Variants in SH3RF2 observed in about 807,000 individuals in gnomAD.
SH3RF2 encodes the protein SH3 domain containing ring finger 2, also known as E3 ubiquitin-protein ligase SH3RF2.
A neutral mutation model predicts 59.0 loss-of-function variants in SH3RF2; 43 were observed. That is an observed-to-expected ratio of 0.73 (90% CI 0.57 to 0.94). The LOEUF (loss-of-function observed/expected upper bound fraction) is 0.94. Ranked by LOEUF, SH3RF2 falls within the 40% of genes least tolerant of loss-of-function variation. SH3RF2 has a pLI of 0.00. For synonymous variants in SH3RF2, 391 were observed against 391.5 expected (o/e 1.00, Z 0.01); for missense variants, 930 against 940.1 (o/e 0.99, Z 0.14).
intron 2 of SH3RF2, among the ~76,000 whole-genome samples, chr5:145,963,301 C>T (rs903861720): frequency 4.0e-5 from 6 of 151,746 alleles, no homozygotes; most frequent in Middle Eastern, 3.4e-3. Flanking sequence ...AATAACTATA[C>T]ATTTATAGAG....
At chr5:145,995,007 T>TAAAA (rs34904079) in intron 2 of SH3RF2, among the ~76,000 whole-genome samples, 1 of 150,362 alleles carries the variant, frequency 6.7e-6, no homozygotes, top group African/African-American at 2.4e-5. Flanking sequence ...TCATAAATAA[T>TAAAA]AAAAAAAAAG....
intron 4 of SH3RF2, among the ~76,000 whole-genome samples, 179 bp downstream of exon 4, chr5:146,004,332 C>A (rs1329421844): frequency 6.6e-6 from 1 of 152,184 alleles, no homozygotes; most frequent in Non-Finnish European, 1.5e-5. Flanking sequence ...GGGAAATGAG[C>A]CTTTTCTATT....
chr5:146,057,928 G>GTCTCTCTGTCTCTCTCTC (rs1762725787), intron 8 of SH3RF2, among the ~76,000 whole-genome samples: 1 of 133,178 alleles, frequency 7.5e-6, no homozygotes. Context: ...GGCTGTTAGT[G>GTCTCTCTGTCTCTCTCTC]TCTCTCTCTC....
Position 145,938,107 on chromosome 5 carries a change from T to C in SH3RF2, c.179T>C (p.Ile60Thr), listed in dbSNP as rs199768544. The change falls in exon 2 of 10, where the codon ATT becomes ACT. Residue 60 changes from isoleucine (I) to threonine (T), a missense_variant. Coordinates refer to ENST00000359120, the MANE Select transcript of SH3RF2 (RefSeq NM_152550.4). ...TGCAGGACGCCTGTGTTTTCCAACATTGAGGCGCTGCCGGCCAACCTGCTG... is the reference window on the plus strand; with the variant it reads ...TGCAGGACGCCTGTGTTTTCCAACACTGAGGCGCTGCCGGCCAACCTGCTG... ...PECRTPVFSNIEALPANLLLV... is the reference protein window; with the variant it reads ...PECRTPVFSNTEALPANLLLV... 1.0e-4 allele frequency: 163 copies of C among 1,614,094 alleles called. No individual in the cohort carries two copies. The highest frequency in any genetic ancestry group is 1.1e-4 in the Non-Finnish European group (135 of 1,180,044).
intron 2 of SH3RF2, among the ~76,000 whole-genome samples, chr5:145,979,481 C>T (rs1305666792): frequency 2.0e-5 from 3 of 152,196 alleles, no homozygotes; most frequent in Non-Finnish European, 1.5e-5. Context: ...CATGGGGCCT[C>T]AGATAAGTTA....
At chr5:145,937,498 G>C (rs1219423674) in intron 1 of SH3RF2, among the ~76,000 whole-genome samples, 2 of 152,120 alleles carry the variant, frequency 1.3e-5, no homozygotes, top group Non-Finnish European at 2.9e-5. Context: ...AGCTTTCCCC[G>C]GGCAGGGGGT....
chr5:145,938,074 GC>G lies in SH3RF2; in HGVS notation c.150del (p.Glu51AsnfsTer44), dbSNP rs1276037629. The stretch of plus-strand genomic sequence containing the variant: ...TTCAAGGCCCACAAAGAGCTGCGGT[GC>G]CCCGAATGCAGGACGCCTGTGTTTT... ...RVFKAHKELR[C>X]PECRTPVFSN... On this transcript the variant is annotated frameshift_variant, in exon 2 of 10. Transcript: ENST00000359120. LOFTEE classifies it high-confidence loss of function. 1 of 1,614,228 alleles carries G rather than the reference GC, an allele frequency of 6.2e-7. No individual in the cohort carries two copies. The highest frequency in any genetic ancestry group is 1.1e-5 in the South Asian group (1 of 91,084).
chr5:146,055,933 T>C (rs1762647945), intron 7 of SH3RF2, 48 bp from the exon 8 acceptor site: 2 of 1,587,516 alleles, frequency 1.3e-6, no homozygotes, highest in African/African-American at 2.7e-5. Context: ...TGACTGAACA[T>C]TTTCTTTCTC....
intron 7 of SH3RF2, among the ~76,000 whole-genome samples, chr5:146,055,611 A>G (rs945047222): frequency 1.3e-5 from 2 of 152,254 alleles, no homozygotes; most frequent in African/African-American, 4.8e-5. Flanking sequence ...AGAAATTGCC[A>G]CTGTAAAACG....
exon 10 of SH3RF2, chr5:146,079,712 C>G (rs777516294): frequency 6.6e-6 from 1 of 152,130 alleles, no homozygotes; most frequent in Non-Finnish European, 1.5e-5. Flanking sequence ...TCTTTTAATG[C>G]GATGAATAAT....
intron 5 of SH3RF2, among the ~76,000 whole-genome samples, 195 bp downstream of exon 5, chr5:146,014,256 T>A (rs1580861308): frequency 1.3e-5 from 2 of 152,202 alleles, no homozygotes; most frequent in African/African-American, 2.4e-5. Context: ...AGTTAGGTGT[T>A]ATTACTATTA....
exon 10 of SH3RF2, chr5:146,081,590 T>C (rs1299590072): frequency 6.6e-6 from 1 of 152,198 alleles, no homozygotes; most frequent in Non-Finnish European, 1.5e-5. Flanking sequence ...AGAGGAGGAC[T>C]GTGCCAGAAA....
intron 2 of SH3RF2, among the ~76,000 whole-genome samples, chr5:145,942,218 G>A (rs1021028033): frequency 2.6e-5 from 4 of 152,138 alleles, no homozygotes; most frequent in Admixed American, 6.5e-5. Flanking sequence ...TACTTCCTCC[G>A]CATCATCAAT....
Position 146,048,541 on chromosome 5 carries a change from C to CA in SH3RF2, c.1152-526dup, listed in dbSNP as rs375814964. 4.1e-3 allele frequency among the ~76,000 whole-genome samples: 618 copies of CA among 151,902 alleles called. 4 individuals carry two copies. The highest frequency in any genetic ancestry group is 0.014 in the African/African-American group (594 of 41,440). ...AGCATTTTAGAAAGAAAAAACAAAA[C>CA]AAAAAAAACCTTGTAGAGAACACTC... On this transcript the variant is annotated intron_variant, in intron 6 of 9. Transcript: ENST00000359120.
intron 2 of SH3RF2, among the ~76,000 whole-genome samples, chr5:145,978,322 C>T (rs1490066483): frequency 6.6e-6 from 1 of 152,148 alleles, no homozygotes; most frequent in Non-Finnish European, 1.5e-5. Flanking sequence ...CAACACTGGC[C>T]AGCACATTCA....
chr5:145,979,530 A>G (rs945931957), intron 2 of SH3RF2, among the ~76,000 whole-genome samples: 1 of 152,204 alleles, frequency 6.6e-6, no homozygotes, highest in African/African-American at 2.4e-5. Context: ...GTAAATGTTT[A>G]ACAAGCAGCT....
chr5:146,025,785 G>T (rs535899320), intron 5 of SH3RF2, among the ~76,000 whole-genome samples: 1 of 152,294 alleles, frequency 6.6e-6, no homozygotes, highest in East Asian at 1.9e-4. Context: ...AAACAAAAAG[G>T]TTTTGAGTCA....
intron 5 of SH3RF2, among the ~76,000 whole-genome samples, chr5:146,033,282 CACACT>C (rs1761802979): frequency 6.6e-6 from 1 of 152,002 alleles, no homozygotes; most frequent in African/African-American, 2.4e-5. Flanking sequence ...AGTGAGATTA[CACACT>C]CCTTAAGGGC....
rs567810772 is a variant in SH3RF2 at position 146,021,181 on chromosome 5, G to T, written c.1059+7120G>T. 4.6e-5 allele frequency among the ~76,000 whole-genome samples: 7 copies of T among 151,500 alleles called. No homozygotes were observed. In the South Asian group the frequency reaches 1.5e-3, roughly 32 times the overall value. Reference sequence around the variant, plus strand: ...TTTTTTCCTTTGGATGGTTCTCAGGGCTGCCATGAGAAATGGTTTACTTAG... The same window carrying T: ...TTTTTTCCTTTGGATGGTTCTCAGGTCTGCCATGAGAAATGGTTTACTTAG... On this transcript the variant is annotated intron_variant, in intron 5 of 9. Transcript: ENST00000359120.
Sources: allele counts gnomAD v4.1 joint callset (sites outside exome capture counted in the v4.1 genomes callset), GRCh38; gene constraint gnomAD v4.1.1; transcripts MANE v1.5; gene names NCBI Gene and HGNC (gene_info 2026-07-23, HGNC 2026-07-21).